The following CPLX1 variants were observed in gnomAD, a reference collection of about 807,000 sequenced individuals.
The protein encoded by CPLX1 is complexin-1.
CPLX1 carries 6 observed loss-of-function variants against 15.6 expected under a neutral mutation model. That is an observed-to-expected ratio of 0.39 (90% CI 0.21 to 0.76). CPLX1 has a LOEUF of 0.76. Among genes scored for constraint, CPLX1 ranks in the 30% least tolerant of loss-of-function variants. CPLX1 has a pLI of 0.43. For synonymous variants in CPLX1, 91 were observed against 75.2 expected (o/e 1.21, Z -1.08); for missense variants, 242 against 188.6 (o/e 1.28, Z -1.66).
chr4:801,322 A>G (rs1746455746), intron 2 of CPLX1, among the ~76,000 whole-genome samples: 1 of 152,096 alleles, frequency 6.6e-6, no homozygotes, highest in Non-Finnish European at 1.5e-5. Context: ...ACTCTGTCTC[A>G]AAAGAAAAAA....
At chr4:825,405 G>A (rs1414033682) in intron 1 of CPLX1, among the ~76,000 whole-genome samples, 7 of 152,184 alleles carry the variant, frequency 4.6e-5, no homozygotes, top group Admixed American at 3.3e-4. Context: ...GACTGGGAGG[G>A]CGGCGGGCGG....
At chr4:818,869 G>A (rs972600958) in intron 2 of CPLX1, among the ~76,000 whole-genome samples, 5 of 152,264 alleles carry the variant, frequency 3.3e-5, no homozygotes, top group African/African-American at 1.2e-4. Context: ...GTGCTGGACT[G>A]GATGGTGGAG....
intron 2 of CPLX1, among the ~76,000 whole-genome samples, chr4:805,672 A>G (rs1746543690): frequency 6.6e-6 from 1 of 152,224 alleles, no homozygotes; most frequent in Non-Finnish European, 1.5e-5. Flanking sequence ...AGCAGCATTA[A>G]CCACAATAAC....
chr4:817,246 T>TAA (rs35754733), intron 2 of CPLX1, among the ~76,000 whole-genome samples: 2,964 of 132,598 alleles, frequency 0.022, 48 homozygotes, highest in Non-Finnish European at 0.034. Flanking sequence ...TGGGTGAATG[T>TAA]AAAAAAAAAA....
intron 2 of CPLX1, among the ~76,000 whole-genome samples, chr4:798,463 A>G (rs564301108): frequency 2.0e-5 from 3 of 152,244 alleles, no homozygotes; most frequent in African/African-American, 7.2e-5. Context: ...CCAGGCTGCA[A>G]TGCAGAGGCT....
intron 2 of CPLX1, among the ~76,000 whole-genome samples, chr4:814,803 T>C (rs1204280592): frequency 6.6e-6 from 1 of 152,214 alleles, no homozygotes; most frequent in Non-Finnish European, 1.5e-5. Flanking sequence ...CATCTGCCAG[T>C]ATGAACAAGT....
chr4:786,928 A>C, intron 3 of CPLX1: 1 of 978,168 alleles, frequency 1.0e-6, no homozygotes. Flanking sequence ...GGGGGGGAGC[A>C]GGGAGGGGGA....
At chr4:810,869 G>C (rs998430972) in intron 2 of CPLX1, among the ~76,000 whole-genome samples, 2 of 151,620 alleles carry the variant, frequency 1.3e-5, no homozygotes, top group Non-Finnish European at 2.9e-5. Flanking sequence ...GCTAATTTTT[G>C]TATTCTTAGT....
intron 3 of CPLX1, among the ~76,000 whole-genome samples, chr4:790,625 G>A (rs1746140878): frequency 6.6e-6 from 1 of 152,152 alleles, no homozygotes; most frequent in Non-Finnish European, 1.5e-5. Flanking sequence ...GCCTGGAACA[G>A]CCAGCGTCCC....
In CPLX1 at chr4:786,569, C is replaced by T; in HGVS notation, c.337G>A (p.Asp113Asn). 2 of 1,610,030 alleles carry T rather than the reference C, an allele frequency of 1.2e-6. No homozygotes were observed. The highest frequency in any genetic ancestry group is 1.7e-6 in the Non-Finnish European group (2 of 1,178,350). ...PGCGDEVEEE[D>N]ESILDTVIKY... ...ATGACGGTGTCCAGGATGCTCTCGT[C>T]CTCCTCCTCCACCTCGTCCCCGCAG... The change falls in exon 4 of 4, where the codon GAC becomes AAC. Residue 113 changes from aspartate to asparagine, a missense_variant. Physicochemically the swap from Asp to Asn is conservative, Grantham distance 23. Coordinates refer to ENST00000304062, the MANE Select transcript of CPLX1 (RefSeq NM_006651.4).
intron 2 of CPLX1, among the ~76,000 whole-genome samples, chr4:823,456 T>G (rs1746910856): frequency 6.6e-6 from 1 of 152,182 alleles, no homozygotes; most frequent in African/African-American, 2.4e-5. Flanking sequence ...GCTCCCCCAC[T>G]GCAGAAATGC....
intron 2 of CPLX1, among the ~76,000 whole-genome samples, chr4:820,239 C>T (rs1253224639): frequency 6.7e-6 from 1 of 150,194 alleles, no homozygotes; most frequent in African/African-American, 2.5e-5. Context: ...TCCTCCCGGA[C>T]CCAGCTCAGC....
intron 2 of CPLX1, among the ~76,000 whole-genome samples, chr4:812,462 T>C (rs779464292): frequency 7.2e-5 from 11 of 152,146 alleles, no homozygotes; most frequent in Non-Finnish European, 1.5e-4. Context: ...ATTCTGCTTT[T>C]TAATGAGAGT....
chr4:797,157 C>T (rs1307591520), intron 2 of CPLX1, among the ~76,000 whole-genome samples: 4 of 152,220 alleles, frequency 2.6e-5, no homozygotes, highest in Non-Finnish European at 5.9e-5. Flanking sequence ...AAACACAGTC[C>T]TTGCCACTCT....
At chr4:822,795 G>A (rs1746896815) in intron 2 of CPLX1, among the ~76,000 whole-genome samples, 1 of 152,218 alleles carries the variant, frequency 6.6e-6, no homozygotes, top group Non-Finnish European at 1.5e-5. Flanking sequence ...GAGGGACAGA[G>A]GCGCAGAGGC....
chr4:792,120 C>T (rs978639354), intron 3 of CPLX1, among the ~76,000 whole-genome samples: 2 of 152,104 alleles, frequency 1.3e-5, no homozygotes, highest in Non-Finnish European at 2.9e-5. Context: ...CAGGTGGCCG[C>T]CCCACGACCC....
At chr4:814,543 C>T (rs944531344) in intron 2 of CPLX1, among the ~76,000 whole-genome samples, 2 of 152,146 alleles carry the variant, frequency 1.3e-5, no homozygotes, top group Non-Finnish European at 2.9e-5. Flanking sequence ...CTGCCTCATG[C>T]GACCCGGAGA....
At chr4:801,445 T>C (rs1746458220) in intron 2 of CPLX1, among the ~76,000 whole-genome samples, 1 of 152,214 alleles carries the variant, frequency 6.6e-6, no homozygotes. Flanking sequence ...GAGAAACAGA[T>C]GGCAACTAAG....
At chr4:820,227 C>T (rs1205593326) in intron 2 of CPLX1, among the ~76,000 whole-genome samples, 2 of 151,584 alleles carry the variant, frequency 1.3e-5, no homozygotes, top group East Asian at 1.9e-4. Flanking sequence ...GCAGCTCCAC[C>T]GTCCTCCCGG....
Sources: allele counts gnomAD v4.1 joint callset (sites outside exome capture counted in the v4.1 genomes callset), GRCh38; gene constraint gnomAD v4.1.1; transcripts MANE v1.5; gene names NCBI Gene and HGNC (gene_info 2026-07-23, HGNC 2026-07-21).